The following PRSS38 variants were observed in gnomAD, a reference collection of about 807,000 sequenced individuals.
PRSS38 encodes marapsin 2.
In PRSS38, 22 loss-of-function variants were observed where a neutral mutation model predicts 26.8. The observed-to-expected ratio is 0.82, with a 90% CI of 0.59 to 1.17. The LOEUF is 1.17. Ranked by LOEUF, PRSS38 falls within the 50% of genes most tolerant of loss-of-function variation. The pLI is 0.00. For synonymous variants in PRSS38, 175 were observed against 172.1 expected, an observed-to-expected ratio of 1.02 and a Z score of -0.13; for missense variants, 427 against 422.7, an observed-to-expected ratio of 1.01 and a Z score of -0.09.
intron 3 of PRSS38, among the ~76,000 whole-genome samples, chr1:227,833,131 T>A (rs1665180238): frequency 6.6e-6 from 1 of 152,138 alleles, no homozygotes; most frequent in African/African-American, 2.4e-5. Context: ...ACAAACACAG[T>A]CCTTATCAAG....
At chr1:227,829,200 G>A (rs567359407) in intron 3 of PRSS38, among the ~76,000 whole-genome samples, 52 of 152,234 alleles carry the variant, frequency 3.4e-4, no homozygotes, top group Admixed American at 5.2e-4. Context: ...GCCACAGACC[G>A]CAGCTGCTTC....
At chr1:227,830,604 G>A (rs553840833) in intron 3 of PRSS38, among the ~76,000 whole-genome samples, 3 of 150,060 alleles carry the variant, frequency 2.0e-5, no homozygotes, top group South Asian at 2.1e-4. Flanking sequence ...GGGTTCAAGC[G>A]ATTCTCCTGC....
rs549303960 is a variant in PRSS38, at chr1:227,830,826, C to G, written c.583+13346C>G. Among the ~76,000 whole-genome samples the G allele has an allele frequency of 3.3e-5, 5 of 152,106 alleles. No homozygotes were observed. In the South Asian group the frequency reaches 1.0e-3, roughly 32 times the overall value. On this transcript the variant is annotated intron_variant, in intron 3 of 4. Coordinates refer to ENST00000366757, the Ensembl canonical transcript of PRSS38. Reference sequence around the variant, plus strand: ...GGCCTTAAGGTATCTAATTTGATAGCACACAGTTGTTCATAATAGTCTCAT... The same window carrying G: ...GGCCTTAAGGTATCTAATTTGATAGGACACAGTTGTTCATAATAGTCTCAT...
intron 3 of PRSS38, among the ~76,000 whole-genome samples, chr1:227,836,245 T>C (rs1665237005): frequency 6.6e-6 from 1 of 152,086 alleles, no homozygotes; most frequent in African/African-American, 2.4e-5. Context: ...ACCACAGGCA[T>C]GCACCATCAT....
intron 3 of PRSS38, among the ~76,000 whole-genome samples, chr1:227,839,309 A>G (rs1030659881): frequency 1.4e-4 from 22 of 151,996 alleles, no homozygotes; most frequent in African/African-American, 5.3e-4. Context: ...AAAAGGAAAT[A>G]AAATAAAATA....
chr1:227,815,885 G>A lies in PRSS38; in HGVS notation c.148+21G>A, dbSNP rs79143483. ...CGTGGGTAGGCCCTGCCCCAGGGGCGGATGGGCGGCTGGAGACAGTGCCCT... is the reference window on the plus strand; with the variant it reads ...CGTGGGTAGGCCCTGCCCCAGGGGCAGATGGGCGGCTGGAGACAGTGCCCT... On this transcript the variant is annotated intron_variant, in intron 1 of 4. Coordinates refer to ENST00000366757, the Ensembl canonical transcript of PRSS38. The A allele has an allele frequency of 1.8e-3, 2,922 of 1,585,032 alleles. 29 individuals carry two copies. In the African/African-American group the frequency reaches 0.02, roughly 11 times the overall value.
chr1:227,824,891 C>T (rs549978460), intron 3 of PRSS38, among the ~76,000 whole-genome samples: 1 of 151,946 alleles, frequency 6.6e-6, no homozygotes, highest in African/African-American at 2.4e-5. Context: ...CTGTTCATGA[C>T]CTTTGCTACT....
chr1:227,820,979 T>A (rs1345520593), intron 3 of PRSS38, among the ~76,000 whole-genome samples: 1 of 152,236 alleles, frequency 6.6e-6, no homozygotes, highest in African/African-American at 2.4e-5. Context: ...GTCTATTTCA[T>A]CCAAGTTATC....
intron 3 of PRSS38, 37 bp downstream of exon 3, chr1:227,817,517 A>G: frequency 6.2e-7 from 1 of 1,600,292 alleles, no homozygotes; most frequent in Non-Finnish European, 8.5e-7. Context: ...GGCAGGATGA[A>G]GGCTTCTCTT....
chr1:227,823,668 C>T (rs1009085791), intron 3 of PRSS38, among the ~76,000 whole-genome samples: 2 of 152,150 alleles, frequency 1.3e-5, no homozygotes, highest in African/African-American at 4.8e-5. Context: ...AGCCTAACAT[C>T]TCTCTTACTT....
chr1:227,830,774 G>A (rs760471121), intron 3 of PRSS38, among the ~76,000 whole-genome samples: 163 of 151,828 alleles, frequency 1.1e-3, no homozygotes, highest in Non-Finnish European at 5.3e-4. Flanking sequence ...CAAAGTGCTG[G>A]GATTACAGGC....
exon 5 of PRSS38, chr1:227,846,309 A>C (rs1665430473): frequency 1.6e-5 from 23 of 1,445,586 alleles, no homozygotes; most frequent in Non-Finnish European, 2.1e-5. Context: ...TCTCTGAAGC[A>C]GACAAGGGCC....
rs141148805 is a variant in PRSS38 at position 227,838,478 on chromosome 1, C to T, written c.584-6992C>T. ...GCGCTCTGGAGCCTTTGCATTTCCA[C>T]TTGTGTTTGGAGTCAGCCTACTCAT... On this transcript the variant is annotated intron_variant, in intron 3 of 4. Transcript: ENST00000366757. Among the ~76,000 whole-genome samples, 148 of 152,288 alleles carry T rather than the reference C, an allele frequency of 9.7e-4. 2 individuals are homozygous for T. Among genetic ancestry groups the T allele is most frequent in the African/African-American group, 3.3e-3 (138 of 41,558 alleles).
chr1:227,826,070 G>A (rs1665069670), intron 3 of PRSS38, among the ~76,000 whole-genome samples: 1 of 152,108 alleles, frequency 6.6e-6, no homozygotes. Flanking sequence ...GCAGTGGTTT[G>A]TAGTTCTTTT....
Position 227,816,273 on chromosome 1 carries a change from G to A in PRSS38, c.311+21G>A, listed in dbSNP as rs761893111. The A allele has an allele frequency of 1.9e-6, 3 of 1,602,560 alleles. No homozygotes were observed. The highest frequency in any genetic ancestry group is 2.6e-6 in the Non-Finnish European group (3 of 1,171,684). On this transcript the variant is annotated intron_variant, in intron 2 of 4. Transcript: ENST00000366757. This position sits in a 1 kb window ranked among gnomAD's most constrained non-coding sequence, Gnocchi z 5.1. ...CACAGGTAAGCGGGCGCCGGCCTGG[G>A]ATGGTGTGGGTAGCTGGGCCTGCAC...
rs1365890583 is a variant in PRSS38 at position 227,846,328 on chromosome 1, C to T, written c.*120C>T. On this transcript the variant is annotated 3_prime_UTR_variant, in exon 5 of 5. Transcript: ENST00000366757. ...TGAAGCAGACAAGGGCCACCTATCC[C>T]GGGGGTGGATGCTGAGTCCAGGAGG... The T allele has an allele frequency of 1.1e-5, 14 of 1,296,234 alleles. No individual in the cohort carries two copies. In the Middle Eastern group the frequency reaches 8.2e-4, roughly 76 times the overall value. The allele number at this position is 1,296,234 out of a possible 1,614,324, so 80.3% of individuals were successfully genotyped here. A position where few individuals can be genotyped will look rare whatever the true frequency, so the allele number is the denominator to read the frequency against.
chr1:227,842,591 T>C (rs950533689), intron 3 of PRSS38, among the ~76,000 whole-genome samples: 2 of 151,968 alleles, frequency 1.3e-5, no homozygotes, highest in Non-Finnish European at 2.9e-5. Flanking sequence ...TTCTTTTTTT[T>C]TTTTTGAGAT....
rs1664926664 is a variant in PRSS38 at position 227,816,904 on chromosome 1, C to T, written c.312-305C>T. 6.6e-6 allele frequency among the ~76,000 whole-genome samples: 1 copy of T among 152,238 alleles called. No homozygotes were observed. The highest frequency in any genetic ancestry group is 1.5e-5 in the Non-Finnish European group (1 of 68,038). On this transcript the variant is annotated intron_variant, in intron 2 of 4. Transcript: ENST00000366757. The surrounding 1 kb of genome is among the most constrained non-coding windows in gnomAD (Gnocchi z 5.1). Reference sequence around the variant, plus strand: ...CGCCTCTCCTGTGGCCATCTGGCCTCCAGAGGGATGTGTGCAACCAGGTTG... The same window carrying T: ...CGCCTCTCCTGTGGCCATCTGGCCTTCAGAGGGATGTGTGCAACCAGGTTG...
At chr1:227,820,954 C>T (rs75704881) in intron 3 of PRSS38, among the ~76,000 whole-genome samples, 2,161 of 152,148 alleles carry the variant, frequency 0.014, 44 homozygotes, top group African/African-American at 0.049. Flanking sequence ...ATAATTCATA[C>T]GTTTGTAGAA....
Sources: allele counts gnomAD v4.1 joint callset (sites outside exome capture counted in the v4.1 genomes callset), GRCh38; gene constraint gnomAD v4.1.1; non-coding constraint Gnocchi (gnomAD v3.1); transcripts MANE v1.5; gene names NCBI Gene and HGNC (gene_info 2026-07-23, HGNC 2026-07-21).